MGRN1: variants seen among roughly 807,000 people sequenced by gnomAD.
MGRN1 encodes the protein E3 ubiquitin-protein ligase MGRN1.
In MGRN1, 29 loss-of-function variants were observed where a neutral mutation model predicts 69.2. The observed-to-expected ratio is 0.42, with a 90% CI of 0.31 to 0.57. The LOEUF is 0.57. Among genes scored for constraint, MGRN1 ranks in the 20% least tolerant of loss-of-function variants. The pLI is 0.15. For synonymous variants in MGRN1, 470 were observed against 344.2 expected, an observed-to-expected ratio of 1.37 and a Z score of -4.04; for missense variants, 998 against 796.2, an observed-to-expected ratio of 1.25 and a Z score of -3.05.
intron 10 of MGRN1, among the ~76,000 whole-genome samples, chr16:4,676,716 G>A (rs1285145044): frequency 6.6e-6 from 1 of 152,138 alleles, no homozygotes; most frequent in African/African-American, 2.4e-5. Flanking sequence ...GGTGTCTCAG[G>A]AACATTCTAC....
At chr16:4,656,867 G>A (rs1363765438) in intron 4 of MGRN1, among the ~76,000 whole-genome samples, 2 of 151,310 alleles carry the variant, frequency 1.3e-5, no homozygotes, top group African/African-American at 2.4e-5. Context: ...GCGACAGAGC[G>A]AGACTCTTAT....
intron 16 of MGRN1, chr16:4,686,487 A>G (rs1596321794): frequency 7.2e-7 from 1 of 1,388,278 alleles, no homozygotes; most frequent in Admixed American, 3.2e-5. Context: ...TCCCCCAGAA[A>G]GTGGCCTCCT....
chr16:4,674,919 C>T (rs1473166289), intron 10 of MGRN1, among the ~76,000 whole-genome samples: 20 of 151,964 alleles, frequency 1.3e-4, no homozygotes, highest in African/African-American at 3.6e-4. Flanking sequence ...GGATTACAGG[C>T]GTGAGCCACC....
rs2078433578 is a variant in MGRN1, at chr16:4,652,599, C to G, written c.297-79C>G. 2.6e-6 allele frequency: 4 copies of G among 1,510,968 alleles called. No individual in the cohort carries two copies. In the Admixed American group the frequency reaches 8.5e-5, roughly 32 times the overall value. 93.6% of individuals were successfully genotyped at this position (1,510,968 alleles called of 1,614,324 possible). On this transcript the variant is annotated intron_variant, in intron 3 of 16. Coordinates refer to ENST00000262370, the MANE Select transcript of MGRN1 (RefSeq NM_015246.4). Reference sequence around the variant, plus strand: ...GTCCACATAGCCACCTCCACGGCCCCTCAGCCTGGCAGGGGAGGAGGCAGC... The same window carrying G: ...GTCCACATAGCCACCTCCACGGCCCGTCAGCCTGGCAGGGGAGGAGGCAGC...
At chr16:4,683,123 C>G (rs1229469792) in intron 14 of MGRN1, 101 bp from the exon 15 acceptor site, 7 of 1,527,174 alleles carry the variant, frequency 4.6e-6, no homozygotes, top group Non-Finnish European at 5.4e-6. Context: ...CCTGGTGGAG[C>G]GGCTGTGCGG....
chr16:4,669,861 G>A (rs548621422), intron 8 of MGRN1, among the ~76,000 whole-genome samples: 2 of 152,070 alleles, frequency 1.3e-5, no homozygotes, highest in African/African-American at 4.8e-5. Flanking sequence ...ATTCCTGGTG[G>A]CCTCACAAGT....
At chr16:4,642,128 C>T (rs1310205345) in intron 1 of MGRN1, among the ~76,000 whole-genome samples, 4 of 128,774 alleles carry the variant, frequency 3.1e-5, no homozygotes, top group South Asian at 2.4e-4. Flanking sequence ...GACTTGGTTC[C>T]TTTTTTTTTT....
At chr16:4,677,646 C>T (rs1033378487) in intron 11 of MGRN1, 74 bp downstream of exon 11, 20 of 1,404,756 alleles carry the variant, frequency 1.4e-5, no homozygotes, top group Admixed American at 5.4e-5. Context: ...AAGGCCCAGA[C>T]GGTCCAGCCA....
At chr16:4,634,789 C>G (rs1898194143) in intron 1 of MGRN1, 1 of 152,238 alleles carries the variant, frequency 6.6e-6, no homozygotes, top group African/African-American at 2.4e-5. Context: ...TTAGAAGAAA[C>G]ACCGTTTGCT....
intron 5 of MGRN1, among the ~76,000 whole-genome samples, chr16:4,663,500 C>T (rs2078732388): frequency 6.7e-6 from 1 of 148,846 alleles, no homozygotes; most frequent in African/African-American, 2.5e-5. Context: ...TCTGTTCTTT[C>T]AGTAAATCTT....
chr16:4,664,973 G>C, intron 6 of MGRN1, 129 bp from the exon 7 acceptor site: 2 of 1,228,320 alleles, frequency 1.6e-6, no homozygotes, highest in Non-Finnish European at 2.4e-6. Context: ...TCCCAGAACA[G>C]GCTCAGGACT....
At chr16:4,676,371 G>T (rs991986927) in intron 10 of MGRN1, among the ~76,000 whole-genome samples, 1 of 152,254 alleles carries the variant, frequency 6.6e-6, no homozygotes, top group Non-Finnish European at 1.5e-5. Flanking sequence ...CTGAGCCTCA[G>T]GGTGGCTGTG....
chr16:4,660,221 G>A (rs181829274), intron 5 of MGRN1, among the ~76,000 whole-genome samples: 2 of 152,366 alleles, frequency 1.3e-5, no homozygotes, highest in Non-Finnish European at 2.9e-5. Flanking sequence ...TCTCTCTAGA[G>A]TGTTAGGCCA....
At chr16:4,686,333 G>T in intron 16 of MGRN1, 1 of 1,540,446 alleles carries the variant, frequency 6.5e-7, no homozygotes. Flanking sequence ...CGCTTCGGGG[G>T]CTCTGACGCG....
chr16:4,665,829 TG>T (rs1478765698), intron 7 of MGRN1, among the ~76,000 whole-genome samples: 1 of 151,536 alleles, frequency 6.6e-6, no homozygotes, highest in East Asian at 1.9e-4. Context: ...CCACCATGCC[TG>T]GCCAATTTTT....
intron 4 of MGRN1, among the ~76,000 whole-genome samples, chr16:4,655,381 C>T (rs113864309): frequency 2.3e-4 from 35 of 152,304 alleles, no homozygotes; most frequent in Non-Finnish European, 3.7e-4. Flanking sequence ...TAGACCCCTG[C>T]GGGCTAGTGA....
chr16:4,657,315 C>A lies in MGRN1; in HGVS notation c.513C>A (p.Phe171Leu), dbSNP rs776483157. The stretch of plus-strand genomic sequence containing the variant: ...ACAAGAGAGGGGTGAGCCAGCAGTT[C>A]TCCCTGCCCTCCTTCAAGATTGACT... ...VHYKRGVSQQ[F>L]SLPSFKIDFS... Residue 171 changes from phenylalanine (F) to leucine (L), a missense_variant, in exon 5 of 17, where the codon TTC (phenylalanine) becomes TTA (leucine). Coordinates refer to ENST00000262370, the MANE Select transcript of MGRN1 (RefSeq NM_015246.4). The A allele has an allele frequency of 2.6e-5, 42 of 1,614,068 alleles. No individual in the cohort carries two copies. In the Middle Eastern group the frequency reaches 6.6e-4, roughly 25 times the overall value.
intron 1 of MGRN1, among the ~76,000 whole-genome samples, chr16:4,628,980 G>A (rs1428421523): frequency 6.6e-6 from 1 of 152,120 alleles, no homozygotes; most frequent in Non-Finnish European, 1.5e-5. Flanking sequence ...GGGATTATAG[G>A]CACTGGCCAC....
At chr16:4,652,121 G>A in intron 3 of MGRN1, 70 bp downstream of exon 3, 1 of 1,483,598 alleles carries the variant, frequency 6.7e-7, no homozygotes, top group South Asian at 1.2e-5. Context: ...GTTCTGGCTT[G>A]ATGCTTGAGG....
Sources: gnomAD v4.1 joint callset for allele counts (sites outside exome capture counted in the v4.1 genomes callset) on GRCh38, gnomAD v4.1.1 for gene constraint, MANE v1.5 for transcripts, NCBI Gene and HGNC (gene_info 2026-07-23, HGNC 2026-07-21) for gene names.